Variants in PSMB1 observed in about 807,000 individuals in gnomAD.
PSMB1 encodes proteasome subunit beta type-1.
A neutral mutation model predicts 25.4 loss-of-function variants in PSMB1; 7 were observed. That is an observed-to-expected ratio of 0.28 (90% confidence interval 0.16 to 0.52). PSMB1 has a LOEUF of 0.52. Ranked by LOEUF, PSMB1 falls within the 20% of genes least tolerant of loss-of-function variation. The probability of loss-of-function intolerance (pLI) is 0.97; values close to 1 mark genes in which losing one functional copy is unlikely to be tolerated. For missense variants in PSMB1, 284 were observed against 302.2 expected (o/e 0.94, Z 0.45); for synonymous variants, 119 against 115.0 (o/e 1.03, Z -0.22).
intron 3 of PSMB1, among the ~76,000 whole-genome samples, chr6:170,544,884 C>T (rs1463207204): frequency 1.3e-5 from 2 of 152,110 alleles, no homozygotes; most frequent in African/African-American, 4.8e-5. Flanking sequence ...TCACTGCTGG[C>T]CTGTAATCCC....
chr6:170,546,583 A>C (rs904333037), intron 2 of PSMB1, among the ~76,000 whole-genome samples: 2 of 152,192 alleles, frequency 1.3e-5, no homozygotes, highest in African/African-American at 2.4e-5. Context: ...CCCCTGCCTC[A>C]GCCTCCCAAG....
chr6:170,553,156 T>G lies in PSMB1; in HGVS notation c.87A>C (p.Arg29=). 6.2e-7 allele frequency: 1 copy of G among 1,613,292 alleles called. No individual in the cohort carries two copies. Among genetic ancestry groups the G allele is most frequent in the East Asian group, 2.2e-5 (1 of 44,864 alleles). The change falls in exon 1 of 6, where the codon CGA becomes CGC. Residue 29 remains arginine (R), a synonymous_variant. Coordinates refer to ENST00000262193, the MANE Select transcript of PSMB1 (RefSeq NM_002793.4). ...CTCCGTTGAAAACGTAGGGCGAAAATCGCAGCTGCAAAGGGCCCGCGGCTC... is the reference window on the plus strand; with the variant it reads ...CTCCGTTGAAAACGTAGGGCGAAAAGCGCAGCTGCAAAGGGCCCGCGGCTC... ...PHRAAGPLQL[R]FSPYVFNGGT...
chr6:170,535,673 G>T (rs530147691), intron 5 of PSMB1, among the ~76,000 whole-genome samples: 5 of 152,294 alleles, frequency 3.3e-5, no homozygotes, highest in Non-Finnish European at 7.3e-5. Flanking sequence ...AGTGATCAGA[G>T]AATTGCTATA....
intron 5 of PSMB1, 99 bp downstream of exon 5, chr6:170,537,135 C>T (rs1778704014): frequency 1.1e-6 from 1 of 901,092 alleles, no homozygotes; most frequent in Non-Finnish European, 1.8e-6. Flanking sequence ...TATCTTGGCT[C>T]TCCTAAGCTA....
chr6:170,549,730 A>G (rs1177776334), intron 1 of PSMB1: 2 of 152,272 alleles, frequency 1.3e-5, no homozygotes, highest in African/African-American at 4.8e-5. Context: ...TTTCGCAGAT[A>G]TGAGACTGTG....
At chr6:170,541,789 G>A (rs952545646) in intron 4 of PSMB1, among the ~76,000 whole-genome samples, 30 of 152,254 alleles carry the variant, frequency 2.0e-4, no homozygotes, top group Admixed American at 8.5e-4. Context: ...CAAAGAACAG[G>A]GCTCTGAAGT....
At chr6:170,547,117 T>C (rs1778828971) in intron 2 of PSMB1, among the ~76,000 whole-genome samples, 1 of 152,214 alleles carries the variant, frequency 6.6e-6, no homozygotes, top group South Asian at 2.1e-4. Context: ...ACTAACTAAA[T>C]GCTGGTGAGG....
intron 1 of PSMB1, chr6:170,549,524 A>G (rs1778865161): frequency 6.4e-6 from 1 of 155,966 alleles, no homozygotes; most frequent in Non-Finnish European, 1.4e-5. Flanking sequence ...TTCTTGCTTC[A>G]TTTCTTTATA....
At chr6:170,549,506 AT>A (rs201498796) in intron 1 of PSMB1, 4 of 158,128 alleles carry the variant, frequency 2.5e-5, no homozygotes, top group East Asian at 1.8e-4. Flanking sequence ...AGAAGATGAG[AT>A]TTTTTTTTCT....
intron 1 of PSMB1, 61 bp downstream of exon 1, chr6:170,553,069 A>G: frequency 6.9e-7 from 1 of 1,441,068 alleles, no homozygotes; most frequent in East Asian, 2.5e-5. Flanking sequence ...TGACTCCTAA[A>G]TAGGCTTCAG....
intron 1 of PSMB1, chr6:170,549,845 T>C (rs1286780915): frequency 1.3e-5 from 2 of 152,248 alleles, no homozygotes; most frequent in Non-Finnish European, 2.9e-5. Context: ...TAAGCCCTTA[T>C]AGCAGTCCCT....
intron 2 of PSMB1, among the ~76,000 whole-genome samples, chr6:170,546,424 A>AT (rs1157395913): frequency 2.6e-5 from 4 of 151,986 alleles, no homozygotes; most frequent in African/African-American, 7.3e-5. Context: ...TCATGGGTGA[A>AT]TTTTTTTTAC....
Position 170,537,397 on chromosome 6 carries a change from C to T in PSMB1, c.434-57G>A, listed in dbSNP as rs1016950665. The T allele has an allele frequency of 6.5e-6, 9 of 1,388,500 alleles. No individual in the cohort carries two copies. The African/African-American group carries it at 1.1e-4, about 18-fold the overall frequency. 86.0% of individuals were successfully genotyped at this position (1,388,500 alleles called of 1,614,324 possible). On this transcript the variant is annotated intron_variant, in intron 4 of 5. Coordinates refer to ENST00000262193, the MANE Select transcript of PSMB1 (RefSeq NM_002793.4). ...GTATCCAATCACAATCCCAAATCAT[C>T]GCAAAAATAAATCAGGTCAAAACGT...
chr6:170,549,874 T>C (rs1233185372), intron 1 of PSMB1: 4 of 152,244 alleles, frequency 2.6e-5, no homozygotes, highest in African/African-American at 9.7e-5. Flanking sequence ...ACTGGTCCTC[T>C]AGTAAGTGTT....
chr6:170,542,728 G>A (rs147378070), intron 4 of PSMB1, among the ~76,000 whole-genome samples: 22 of 152,276 alleles, frequency 1.4e-4, no homozygotes, highest in Middle Eastern at 3.4e-3. Context: ...GTTCGGGGCA[G>A]TCCCTTACAG....
At chr6:170,535,506 T>C in intron 5 of PSMB1, 101 bp from the exon 6 acceptor site, 1 of 1,027,796 alleles carries the variant, frequency 9.7e-7, no homozygotes, top group South Asian at 1.6e-5. Context: ...GGATTTGTGA[T>C]GAAAATACTA....
chr6:170,547,289 A>T (rs1778830860), intron 2 of PSMB1, among the ~76,000 whole-genome samples: 2 of 152,254 alleles, frequency 1.3e-5, no homozygotes, highest in African/African-American at 4.8e-5. Flanking sequence ...CTCACCAGTG[A>T]GTACTCATTT....
chr6:170,552,285 G>A (rs1778913899), intron 1 of PSMB1, among the ~76,000 whole-genome samples: 1 of 152,162 alleles, frequency 6.6e-6, no homozygotes, highest in African/African-American at 2.4e-5. Context: ...TACAAGGCTT[G>A]ATTGGTAACT....
In PSMB1 at chr6:170,535,184, C is replaced by A. The variant is rs752156167; in HGVS notation, c.*36G>T. On this transcript the variant is annotated 3_prime_UTR_variant, in exon 6 of 6. Transcript: ENST00000262193. ...GTACAGTTCCAAAGTACAAAATCAA[C>A]CAGGTCTGAACTGATTGGTGATAAG... The A allele has an allele frequency of 7.7e-6, 12 of 1,562,816 alleles. No individual in the cohort carries two copies. Among genetic ancestry groups the A allele is most frequent in the Non-Finnish European group, 1.0e-5 (12 of 1,148,508 alleles).
Sources: gnomAD v4.1 joint callset for allele counts (sites outside exome capture counted in the v4.1 genomes callset) on GRCh38, gnomAD v4.1.1 for gene constraint, MANE v1.5 for transcripts, NCBI Gene and HGNC (gene_info 2026-07-23, HGNC 2026-07-21) for gene names.